The following ATP4A variants were observed in gnomAD, a reference collection of about 807,000 sequenced individuals.
ATP4A encodes ATPase H+/K+ transporting subunit alpha.
In ATP4A, 73 loss-of-function variants were observed where a neutral mutation model predicts 112.1. The observed-to-expected ratio is 0.65, with a 90% CI of 0.54 to 0.79. The LOEUF (loss-of-function observed/expected upper bound fraction) is 0.79, where lower values mean the gene tolerates loss of function less well. Among genes scored for constraint, ATP4A ranks in the 30% least tolerant of loss-of-function variants. The pLI, the probability that ATP4A is intolerant of heterozygous loss-of-function variation, is 0.00. For synonymous variants in ATP4A, 588 were observed against 588.9 expected (o/e 1.00, Z 0.02); for missense variants, 1,081 against 1,425.9 (o/e 0.76, Z 3.90).
chr19:35,555,420 C>A lies in ATP4A; in HGVS notation c.2157+20G>T, dbSNP rs1248520570. Reference sequence around the variant, plus strand: ...CCCCGCCTGTCTGCCCGCCTGCCCACCCTCATCAGCAGGGCTCACCAGCCG... The same window carrying A: ...CCCCGCCTGTCTGCCCGCCTGCCCAACCTCATCAGCAGGGCTCACCAGCCG... On this transcript the variant is annotated intron_variant, in intron 14 of 21. Coordinates refer to ENST00000262623, the MANE Select transcript of ATP4A (RefSeq NM_000704.3). The surrounding 1 kb of genome is among the most constrained non-coding windows in gnomAD (Gnocchi z 6.6). The A allele has an allele frequency of 2.5e-6, 4 of 1,609,124 alleles. No individual in the cohort carries two copies. Among genetic ancestry groups the A allele is most frequent in the Non-Finnish European group, 3.4e-6 (4 of 1,176,952 alleles).
At position 35,559,116 on chromosome 19, in the gene ATP4A, A is replaced by G. The variant is rs143430555; in HGVS notation, c.1132T>C (p.Leu378=). ...VVKNLEAVET[L]GSTSVICSDK... Reference sequence around the variant, plus strand: ...GAGCAGATCACCGAAGTGGAGCCCAATGTCTCCACCGCCTCCAGGTTCTTG... The same window carrying G: ...GAGCAGATCACCGAAGTGGAGCCCAGTGTCTCCACCGCCTCCAGGTTCTTG... Residue 378 remains leucine, a synonymous_variant, in exon 8 of 22, where the codon TTG becomes CTG. Transcript: ENST00000262623. The surrounding 1 kb of genome is among the most constrained non-coding windows in gnomAD (Gnocchi z 4.1). The G allele has an allele frequency of 2.5e-5, 41 of 1,613,996 alleles. No homozygotes were observed. Among genetic ancestry groups the G allele is most frequent in the Non-Finnish European group, 3.3e-5 (39 of 1,180,018 alleles).
In ATP4A at chr19:35,558,968, C is replaced by T. The variant is rs1404382919; in HGVS notation, c.1255+25G>A. Reference sequence around the variant, plus strand: ...CACCATCCACCAGATCCTGCCCTGGCGCCTGTGCCCTCCCTCCCCCACACC... The same window carrying T: ...CACCATCCACCAGATCCTGCCCTGGTGCCTGTGCCCTCCCTCCCCCACACC... On this transcript the variant is annotated intron_variant, in intron 8 of 21. Coordinates refer to ENST00000262623, the MANE Select transcript of ATP4A (RefSeq NM_000704.3). This position sits in a 1 kb window ranked among gnomAD's most constrained non-coding sequence, Gnocchi z 5.1. 1.2e-6 allele frequency: 2 copies of T among 1,612,956 alleles called. No individual in the cohort carries two copies. The highest frequency in any genetic ancestry group is 1.3e-5 in the African/African-American group (1 of 75,020).
In ATP4A at chr19:35,558,827, G is replaced by A. The variant is rs185575934; in HGVS notation, c.1256-141C>T. 5,636 of 1,252,206 alleles carry A rather than the reference G, an allele frequency of 4.5e-3. 14 individuals are homozygous for A. Among genetic ancestry groups the A allele is most frequent in the Non-Finnish European group, 5.5e-3 (5,023 of 915,010 alleles). 77.6% of individuals were successfully genotyped at this position (1,252,206 alleles called of 1,614,324 possible). On this transcript the variant is annotated intron_variant, in intron 8 of 21. Coordinates refer to ENST00000262623, the MANE Select transcript of ATP4A (RefSeq NM_000704.3). The surrounding 1 kb of genome is among the most constrained non-coding windows in gnomAD (Gnocchi z 5.1). ...GTTCCACCCAACCCTGAGGGACCCA[G>A]CCCCCGGATGACCCTTCCCTCTAGA...
At position 35,555,663 on chromosome 19, in the gene ATP4A, T is replaced by TG. The variant is rs769485930; in HGVS notation, c.2006+12dup. ...ATGTGGGGAGAACCCCGGGGAGGTC[T>TG]GGGGGGGCTTACTTGCGATTAACCT... On this transcript the variant is annotated intron_variant, in intron 13 of 21. Coordinates refer to ENST00000262623, the MANE Select transcript of ATP4A (RefSeq NM_000704.3). The surrounding 1 kb of genome is among the most constrained non-coding windows in gnomAD (Gnocchi z 6.6). The TG allele has an allele frequency of 1.5e-5, 24 of 1,594,914 alleles. No individual in the cohort carries two copies. The highest frequency in any genetic ancestry group is 4.5e-5 in the East Asian group (2 of 44,364).
chr19:35,551,408 C>G lies in ATP4A; in HGVS notation c.2885+39G>C. The G allele has an allele frequency of 6.2e-7, 1 of 1,613,298 alleles. No homozygotes were observed. The highest frequency in any genetic ancestry group is 8.5e-7 in the Non-Finnish European group (1 of 1,179,916). ...GTCAGGATCTGATGGGAGTTGGGAC[C>G]AGGGGTTGGAGGGCAGGAAGAGGGC... On this transcript the variant is annotated intron_variant, in intron 19 of 21. Coordinates refer to ENST00000262623, the MANE Select transcript of ATP4A (RefSeq NM_000704.3). This position sits in a 1 kb window ranked among gnomAD's most constrained non-coding sequence, Gnocchi z 5.2.
At chr19:35,556,597 T>C (rs1026373027) in intron 12 of ATP4A, among the ~76,000 whole-genome samples, 88 of 152,042 alleles carry the variant, frequency 5.8e-4, no homozygotes, top group African/African-American at 2.1e-3. Context: ...TTTTGTGGGG[T>C]GGCTAAGCAG....
At position 35,550,647 on chromosome 19, in the gene ATP4A, GGAGA is replaced by G; in HGVS notation, c.3080-8_3080-5del. On this transcript the variant is annotated splice_region_variant and splice_polypyrimidine_tract_variant and intron_variant, in intron 21 of 21. Transcript: ENST00000262623. This position sits in a 1 kb window ranked among gnomAD's most constrained non-coding sequence, Gnocchi z 4.1. ...TAGAGTTCCTGGTCCCACCAGCCTG[GGAGA>G]GAGAGGGAGAAAGGAGACTCAGTGC... is the stretch of plus-strand genomic sequence containing the variant. 1 of 1,613,850 alleles carries G rather than the reference GGAGA, an allele frequency of 6.2e-7. No individual in the cohort carries two copies. Among genetic ancestry groups the G allele is most frequent in the Non-Finnish European group, 8.5e-7 (1 of 1,179,838 alleles).
In ATP4A at chr19:35,559,895, C is replaced by T. The variant is rs1395233145; in HGVS notation, c.966G>A (p.Met322Ile). 1.2e-6 allele frequency: 2 copies of T among 1,614,130 alleles called. No individual in the cohort carries two copies. The highest frequency in any genetic ancestry group is 2.2e-5 in the South Asian group (2 of 91,094). Reference sequence around the variant, plus strand: ...CCCGCAGGAAGGTGTAGCCAATGCACATGGCCACAATAAAAAATGTGGCAC... The same window carrying T: ...CCCGCAGGAAGGTGTAGCCAATGCATATGGCCACAATAAAAAATGTGGCAC... ...LFGATFFIVA[M>I]CIGYTFLRAM... Residue 322 changes from methionine (M) to isoleucine (I), a missense_variant, in exon 7 of 22, where the codon ATG becomes ATA. Met to Ile is a conservative substitution (Grantham distance 10, BLOSUM62 1). Transcript: ENST00000262623. This position sits in a 1 kb window ranked among gnomAD's most constrained non-coding sequence, Gnocchi z 4.1.
Position 35,558,437 on chromosome 19 carries a change from C to G in ATP4A, c.1425G>C (p.Leu475=). ...GGTCCCGGTAGCCCATGGCGTTGCC[C>G]AGCGTCAGCTCCGAGAACTTGAGCA... ...TALLKFSELT[L]GNAMGYRDRF... The change falls in exon 10 of 22, where the codon CTG becomes CTC. Residue 475 remains leucine (L), a synonymous_variant. Transcript: ENST00000262623. The surrounding 1 kb of genome is among the most constrained non-coding windows in gnomAD (Gnocchi z 5.1). 6.2e-7 allele frequency: 1 copy of G among 1,606,760 alleles called. No homozygotes were observed. Among genetic ancestry groups the G allele is most frequent in the Non-Finnish European group, 8.5e-7 (1 of 1,177,006 alleles).
Position 35,557,688 on chromosome 19 carries a change from G to A in ATP4A, c.1660C>T (p.Leu554Phe), listed in dbSNP as rs770132590. The A allele has an allele frequency of 5.6e-6, 9 of 1,609,702 alleles. No individual in the cohort carries two copies. In the South Asian group the frequency reaches 6.6e-5, roughly 12 times the overall value. Reference sequence around the variant, plus strand: ...CGTTCGCCCAGGCCTCCCAGGCTGAGGTAGGCGGTCTGGAAGGCCTCGCGC... The same window carrying A: ...CGTTCGCCCAGGCCTCCCAGGCTGAAGTAGGCGGTCTGGAAGGCCTCGCGC... ...QWREAFQTAYLSLGGLGERVL... is the reference protein window; with the variant it reads ...QWREAFQTAYFSLGGLGERVL... The change falls in exon 11 of 22, where the codon CTC becomes TTC. Residue 554 changes from leucine to phenylalanine, a missense_variant. Around this residue, in one of 3 missense-constraint regions of ATP4A, gnomAD observed 850 missense variants for 1,068.2 expected, o/e 0.80. Transcript: ENST00000262623. This position sits in a 1 kb window ranked among gnomAD's most constrained non-coding sequence, Gnocchi z 4.4.
At position 35,560,094 on chromosome 19, in the gene ATP4A, G is replaced by T; in HGVS notation, c.788-21C>A. 6.2e-7 allele frequency: 1 copy of T among 1,612,166 alleles called. No individual in the cohort carries two copies. The highest frequency in any genetic ancestry group is 8.5e-7 in the Non-Finnish European group (1 of 1,178,992). On this transcript the variant is annotated intron_variant, in intron 6 of 21. Transcript: ENST00000262623. This position sits in a 1 kb window ranked among gnomAD's most constrained non-coding sequence, Gnocchi z 5.1. ...GGTGCCTGCAGGGGGGCCAAGGCGCGACTCAGGGATAGGGGGCGGCAGTGG... is the reference window on the plus strand; with the variant it reads ...GGTGCCTGCAGGGGGGCCAAGGCGCTACTCAGGGATAGGGGGCGGCAGTGG...
chr19:35,558,066 C>G lies in ATP4A; in HGVS notation c.1501-219G>C, dbSNP rs2071643084. On this transcript the variant is annotated intron_variant, in intron 10 of 21. Transcript: ENST00000262623. The surrounding 1 kb of genome is among the most constrained non-coding windows in gnomAD (Gnocchi z 5.1). ...CGGGGCTAGGTGCAGATTTGGAGTC[C>G]TGGACGCAGGGAATGAACAGAATTA... 6.6e-6 allele frequency: 4 copies of G among 610,430 alleles called. No individual in the cohort carries two copies. Among genetic ancestry groups the G allele is most frequent in the Non-Finnish European group, 1.1e-5 (4 of 353,650 alleles). The allele number at this position is 610,430 out of a possible 1,614,324, so 37.8% of individuals were successfully genotyped here.
rs1282429868 is a variant in ATP4A at position 35,562,602 on chromosome 19, G to A, written c.253C>T (p.Arg85Trp). The A allele has an allele frequency of 1.9e-6, 3 of 1,608,502 alleles. No homozygotes were observed. The highest frequency in any genetic ancestry group is 2.5e-6 in the Non-Finnish European group (3 of 1,177,970). The change falls in exon 4 of 22, where the codon CGG becomes TGG. Residue 85 changes from arginine to tryptophan, a missense_variant. By Grantham distance (101) the Arg-to-Trp change is moderately radical. Around this residue, in one of 3 missense-constraint regions of ATP4A, gnomAD observed 850 missense variants for 1,068.2 expected, o/e 0.80. Coordinates refer to ENST00000262623, the MANE Select transcript of ATP4A (RefSeq NM_000704.3). ...GGCCGCAGTGCGTTGGGCCCATCCC[G>A]CAGCAGCAGCTCAGCAGCCAGGCTC... ...SASLAAELLL[R>W]DGPNALRPPR...
chr19:35,551,601 G>C lies in ATP4A; in HGVS notation c.2752-21C>G, dbSNP rs779443794. The C allele has an allele frequency of 3.1e-6, 5 of 1,606,642 alleles. No individual in the cohort carries two copies. Among genetic ancestry groups the C allele is most frequent in the Non-Finnish European group, 4.2e-6 (5 of 1,176,534 alleles). The stretch of plus-strand genomic sequence containing the variant: ...AATGTCTGCAGGCCAGGGGCAAACG[G>C]AAACAGCCTGAGTCCAGCCTGAGTC... On this transcript the variant is annotated intron_variant, in intron 18 of 21. Transcript: ENST00000262623. This position sits in a 1 kb window ranked among gnomAD's most constrained non-coding sequence, Gnocchi z 5.2.
Position 35,550,968 on chromosome 19 carries a change from C to T in ATP4A, c.2987+42G>A, listed in dbSNP as rs778188004. On this transcript the variant is annotated intron_variant, in intron 20 of 21. Coordinates refer to ENST00000262623, the MANE Select transcript of ATP4A (RefSeq NM_000704.3). This position sits in a 1 kb window ranked among gnomAD's most constrained non-coding sequence, Gnocchi z 4.1. Reference sequence around the variant, plus strand: ...GGTGAAGGCCATCCCAGGCCTGTGCCCTACAGCCCCCTCCCTGTCCTTGCC... The same window carrying T: ...GGTGAAGGCCATCCCAGGCCTGTGCTCTACAGCCCCCTCCCTGTCCTTGCC... 2.5e-5 allele frequency: 41 copies of T among 1,613,162 alleles called. No individual in the cohort carries two copies. The highest frequency in any genetic ancestry group is 3.4e-5 in the Non-Finnish European group (40 of 1,179,494).
At position 35,559,099 on chromosome 19, in the gene ATP4A, C is replaced by A. The variant is rs1458504303; in HGVS notation, c.1149G>T (p.Val383=). ...GAGTCCCTGTCTTGTCCGAGCAGATCACCGAAGTGGAGCCCAATGTCTCCA... is the reference window on the plus strand; with the variant it reads ...GAGTCCCTGTCTTGTCCGAGCAGATAACCGAAGTGGAGCCCAATGTCTCCA... ...EAVETLGSTS[V]ICSDKTGTLT... The change falls in exon 8 of 22, where the codon GTG becomes GTT. Residue 383 remains valine (V), a synonymous_variant. Coordinates refer to ENST00000262623, the MANE Select transcript of ATP4A (RefSeq NM_000704.3). This position sits in a 1 kb window ranked among gnomAD's most constrained non-coding sequence, Gnocchi z 4.1. 1 of 1,614,080 alleles carries A rather than the reference C, an allele frequency of 6.2e-7. No individual in the cohort carries two copies. Among genetic ancestry groups the A allele is most frequent in the South Asian group, 1.1e-5 (1 of 91,088 alleles).
Position 35,553,024 on chromosome 19 carries a change from G to A in ATP4A, c.2751+13C>T. Reference sequence around the variant, plus strand: ...GGGAGCCCAGGGATGGGATGGGGCGGGGCAGGGCTCACCCACTCCTGGCCG... The same window carrying A: ...GGGAGCCCAGGGATGGGATGGGGCGAGGCAGGGCTCACCCACTCCTGGCCG... On this transcript the variant is annotated intron_variant, in intron 18 of 21. Coordinates refer to ENST00000262623, the MANE Select transcript of ATP4A (RefSeq NM_000704.3). 1 of 1,587,052 alleles carries A rather than the reference G, an allele frequency of 6.3e-7. No individual in the cohort carries two copies. Among genetic ancestry groups the A allele is most frequent in the South Asian group, 1.1e-5 (1 of 89,104 alleles).
Position 35,557,686 on chromosome 19 carries a change from G to A in ATP4A, c.1662C>T (p.Leu554=), listed in dbSNP as rs1231916494. 9 of 1,609,628 alleles carry A rather than the reference G, an allele frequency of 5.6e-6. No individual in the cohort carries two copies. The highest frequency in any genetic ancestry group is 7.6e-6 in the Non-Finnish European group (9 of 1,178,808). ...QWREAFQTAY[L]SLGGLGERVL... ...CGCGTTCGCCCAGGCCTCCCAGGCTGAGGTAGGCGGTCTGGAAGGCCTCGC... is the reference window on the plus strand; with the variant it reads ...CGCGTTCGCCCAGGCCTCCCAGGCTAAGGTAGGCGGTCTGGAAGGCCTCGC... Residue 554 remains leucine (L), a synonymous_variant, in exon 11 of 22, where the codon CTC becomes CTT. Coordinates refer to ENST00000262623, the MANE Select transcript of ATP4A (RefSeq NM_000704.3). The surrounding 1 kb of genome is among the most constrained non-coding windows in gnomAD (Gnocchi z 4.4).
At position 35,551,437 on chromosome 19, in the gene ATP4A, C is replaced by T. The variant is rs757588722; in HGVS notation, c.2885+10G>A. Reference sequence around the variant, plus strand: ...GGTTGGAGGGCAGGAAGAGGGCCAGCCAGGGACACCTGAAGAAGCCTTGCT... The same window carrying T: ...GGTTGGAGGGCAGGAAGAGGGCCAGTCAGGGACACCTGAAGAAGCCTTGCT... On this transcript the variant is annotated intron_variant, in intron 19 of 21. Transcript: ENST00000262623. The surrounding 1 kb of genome is among the most constrained non-coding windows in gnomAD (Gnocchi z 5.2). 6.2e-7 allele frequency: 1 copy of T among 1,613,906 alleles called. No individual in the cohort carries two copies. Among genetic ancestry groups the T allele is most frequent in the South Asian group, 1.1e-5 (1 of 91,066 alleles).
Sources: allele counts gnomAD v4.1 joint callset (sites outside exome capture counted in the v4.1 genomes callset), GRCh38; gene constraint gnomAD v4.1.1; regional missense constraint gnomAD v4.1.1; non-coding constraint Gnocchi (gnomAD v3.1); transcripts MANE v1.5; gene names NCBI Gene and HGNC (gene_info 2026-07-23, HGNC 2026-07-21).